RNF216: variants seen among roughly 807,000 people sequenced by gnomAD.
The protein encoded by RNF216 is ring finger protein 216, also known as E3 ubiquitin-protein ligase RNF216.
Under a neutral mutation model 110.8 loss-of-function variants are expected in RNF216, and 72 were observed. The observed-to-expected ratio is 0.65, with a 90% confidence interval of 0.54 to 0.79. The LOEUF is 0.79. Ranked by LOEUF, RNF216 falls within the 30% of genes least tolerant of loss-of-function variation. RNF216 has a pLI of 0.00. For missense variants in RNF216, 1,342 were observed against 1,141.2 expected (o/e 1.18, Z -2.54); for synonymous variants, 495 against 407.5 (o/e 1.21, Z -2.59).
At chr7:5,671,480 G>A (rs184236374) in intron 13 of RNF216, among the ~76,000 whole-genome samples, 69 of 152,256 alleles carry the variant, frequency 4.5e-4, no homozygotes, top group African/African-American at 1.5e-3. Context: ...CTGATGGGGT[G>A]AGCGCTATTC....
chr7:5,670,987 G>T (rs983812139), intron 13 of RNF216, among the ~76,000 whole-genome samples: 1 of 152,108 alleles, frequency 6.6e-6, no homozygotes, highest in East Asian at 1.9e-4. Context: ...TTGGTTCCGG[G>T]GGAGCTGCCG....
intron 13 of RNF216, among the ~76,000 whole-genome samples, chr7:5,689,472 A>C (rs1791193214): frequency 2.0e-5 from 3 of 152,076 alleles, no homozygotes; most frequent in Admixed American, 2.0e-4. Flanking sequence ...AGTGATCAAT[A>C]ATTTCCCACT....
chr7:5,733,981 G>T (rs1306868708), intron 5 of RNF216, among the ~76,000 whole-genome samples: 1 of 152,092 alleles, frequency 6.6e-6, no homozygotes, highest in South Asian at 2.1e-4. Context: ...AAAAAATAAA[G>T]CTTAGTAATT....
At chr7:5,762,240 C>T (rs1795972409) in intron 1 of RNF216, among the ~76,000 whole-genome samples, 2 of 151,916 alleles carry the variant, frequency 1.3e-5, no homozygotes, top group African/African-American at 2.4e-5. Context: ...TTAAAAAATA[C>T]AGCCAGGCGT....
In RNF216 at chr7:5,663,541, G is replaced by A. The variant is rs547454851; in HGVS notation, c.2062-11031C>T. On this transcript the variant is annotated intron_variant, in intron 13 of 16. Coordinates refer to ENST00000389902, the MANE Select transcript of RNF216 (RefSeq NM_207111.4). ...GGAGCTTGCAGTGAGCTGAGATTGC[G>A]CCACTGCACTCCAGTCTGGGCGACA... Among the ~76,000 whole-genome samples the A allele has an allele frequency of 9.4e-5, 13 of 138,492 alleles. 1 individual carries two copies. The East Asian group carries it at 1.1e-3, about 11-fold the overall frequency. 90.9% of individuals were successfully genotyped at this position (138,492 alleles called of 152,430 possible). A position where few individuals can be genotyped will look rare whatever the true frequency, so the allele number is the denominator to read the frequency against.
chr7:5,629,802 G>C (rs1339766690), intron 15 of RNF216, among the ~76,000 whole-genome samples: 1 of 140,474 alleles, frequency 7.1e-6, no homozygotes, highest in Non-Finnish European at 1.5e-5. Flanking sequence ...ACTCCAGCCT[G>C]GGCAACAGAG....
In RNF216 at chr7:5,711,788, G is replaced by A; in HGVS notation, c.2034C>T (p.Phe678=). The change falls in exon 13 of 17, where the codon TTC becomes TTT. Residue 678 remains phenylalanine, a synonymous_variant. Transcript: ENST00000389902. ...PALLDSDVKR[F]SCPNPHCRKE... ...TTCGGCAGTGAGGATTAGGACAGCTGAACCTCTTCACATCACTGTCCAACA... is the reference window on the plus strand; with the variant it reads ...TTCGGCAGTGAGGATTAGGACAGCTAAACCTCTTCACATCACTGTCCAACA... 1 of 1,613,800 alleles carries A rather than the reference G, an allele frequency of 6.2e-7. No individual in the cohort carries two copies. The highest frequency in any genetic ancestry group is 8.5e-7 in the Non-Finnish European group (1 of 1,179,862).
intron 15 of RNF216, among the ~76,000 whole-genome samples, chr7:5,635,630 G>C (rs1787350837): frequency 6.6e-6 from 1 of 152,162 alleles, no homozygotes; most frequent in African/African-American, 2.4e-5. Flanking sequence ...TGATCCACCA[G>C]GGAGATGCTG....
intron 15 of RNF216, among the ~76,000 whole-genome samples, chr7:5,635,062 G>A (rs1215997269): frequency 1.3e-5 from 2 of 152,104 alleles, no homozygotes; most frequent in African/African-American, 2.4e-5. Flanking sequence ...TGGAAGACCT[G>A]GGCTCACATC....
chr7:5,760,371 C>G, intron 2 of RNF216: 2 of 285,832 alleles, frequency 7.0e-6, no homozygotes, highest in South Asian at 3.0e-5. Context: ...ACAAAATTAG[C>G]AGGGCGTAGT....
chr7:5,625,202 G>A (rs918742429), intron 15 of RNF216, among the ~76,000 whole-genome samples: 26 of 152,242 alleles, frequency 1.7e-4, no homozygotes, highest in Non-Finnish European at 2.9e-5. Context: ...AAGCAGGAAA[G>A]AGATAGCTGA....
chr7:5,774,006 G>A (rs899174145), intron 1 of RNF216, among the ~76,000 whole-genome samples: 5 of 152,254 alleles, frequency 3.3e-5, no homozygotes, highest in East Asian at 1.9e-4. Flanking sequence ...TGCTAGTAAC[G>A]GTTCAAAAAA....
intron 13 of RNF216, among the ~76,000 whole-genome samples, chr7:5,667,299 A>T (rs1360465879): frequency 6.6e-6 from 1 of 152,170 alleles, no homozygotes; most frequent in Non-Finnish European, 1.5e-5. Context: ...GGTAATTTAT[A>T]TTTCTTACTA....
chr7:5,769,121 CTTT>C (rs68129648), intron 1 of RNF216, among the ~76,000 whole-genome samples: 4,583 of 128,600 alleles, frequency 0.036, 204 homozygotes, highest in African/African-American at 0.12. Context: ...TTCCAAATGC[CTTT>C]TTTTTTTTTT....
chr7:5,659,409 G>T (rs1788957177), intron 13 of RNF216, among the ~76,000 whole-genome samples: 1 of 152,204 alleles, frequency 6.6e-6, no homozygotes, highest in South Asian at 2.1e-4. Flanking sequence ...AGAGGGAAGA[G>T]CAAGGGTGAA....
intron 11 of RNF216, 100 bp from the exon 12 acceptor site, chr7:5,712,963 C>G: frequency 1.9e-6 from 2 of 1,070,106 alleles, no homozygotes; most frequent in African/African-American, 3.2e-5. Context: ...GACAACATAG[C>G]AAGGATCTCT....
chr7:5,643,152 T>TA (rs1179181798), intron 14 of RNF216, among the ~76,000 whole-genome samples: 2 of 152,112 alleles, frequency 1.3e-5, no homozygotes, highest in Non-Finnish European at 2.9e-5. Flanking sequence ...GCTGAAATGT[T>TA]AAACAGCTAT....
rs546531281 is a variant in RNF216 at position 5,669,931 on chromosome 7, C to CT, written c.2062-17422dup. Among the ~76,000 whole-genome samples the CT allele has an allele frequency of 6.8e-3, 980 of 143,314 alleles. 4 individuals carry two copies. Among genetic ancestry groups the CT allele is most frequent in the South Asian group, 0.022 (96 of 4,442 alleles). The allele number at this position is 143,314 out of a possible 152,430, so 94.0% of individuals were successfully genotyped here. On this transcript the variant is annotated intron_variant, in intron 13 of 16. Transcript: ENST00000389902. Reference sequence around the variant, plus strand: ...ATTGTGGATGGTGCGTTTGGAAATCCTTTTTTTTTTTTTGAGATGGAGTCT... The same window carrying CT: ...ATTGTGGATGGTGCGTTTGGAAATCCTTTTTTTTTTTTTTGAGATGGAGTCT...
At chr7:5,633,485 G>C (rs563645461) in intron 15 of RNF216, among the ~76,000 whole-genome samples, 1 of 152,060 alleles carries the variant, frequency 6.6e-6, no homozygotes, top group Non-Finnish European at 1.5e-5. Flanking sequence ...TGAGGCAGGA[G>C]AATCACTTGA....
Sources: allele counts gnomAD v4.1 joint callset (sites outside exome capture counted in the v4.1 genomes callset), GRCh38; gene constraint gnomAD v4.1.1; transcripts MANE v1.5; gene names NCBI Gene and HGNC (gene_info 2026-07-23, HGNC 2026-07-21).